The following RUFY1 variants were observed in gnomAD, a reference collection of about 807,000 sequenced individuals.
RUFY1 encodes RUN and FYVE domain-containing protein 1.
Under a neutral mutation model 94.6 loss-of-function variants are expected in RUFY1, and 54 were observed. That is an observed-to-expected ratio of 0.57 (90% CI 0.46 to 0.72). RUFY1 has a LOEUF of 0.72. Among genes scored for constraint, RUFY1 ranks in the 30% least tolerant of loss-of-function variants. The pLI, the probability that RUFY1 is intolerant of heterozygous loss-of-function variation, is 0.00. For missense variants in RUFY1, 883 were observed against 883.9 expected (o/e 1.00, Z 0.01); for synonymous variants, 396 against 347.3 (o/e 1.14, Z -1.56).
At chr5:179,557,004 C>G (rs573374788) in intron 1 of RUFY1, among the ~76,000 whole-genome samples, 2 of 152,222 alleles carry the variant, frequency 1.3e-5, no homozygotes, top group East Asian at 3.9e-4. Flanking sequence ...TGATCTAAAG[C>G]CAAAAATTAT....
intron 1 of RUFY1, among the ~76,000 whole-genome samples, chr5:179,551,314 G>T (rs1761836790): frequency 6.6e-6 from 1 of 152,236 alleles, no homozygotes; most frequent in South Asian, 2.1e-4. Context: ...GTGAGATGGG[G>T]ATTTTAAAGT....
At chr5:179,587,228 ACTCT>A (rs766384052) in intron 8 of RUFY1, among the ~76,000 whole-genome samples, 1 of 150,000 alleles carries the variant, frequency 6.7e-6, no homozygotes, top group Non-Finnish European at 1.5e-5. Flanking sequence ...TAATTTTTTA[ACTCT>A]TTGTAGAGAC....
At chr5:179,577,730 GGT>G (rs1206281709) in intron 6 of RUFY1, among the ~76,000 whole-genome samples, 5 of 151,944 alleles carry the variant, frequency 3.3e-5, no homozygotes, top group African/African-American at 9.7e-5. Context: ...GGGCAGGTTA[GGT>G]GTGTCCGCTC....
chr5:179,603,598 A>C (rs1452270130), intron 15 of RUFY1: 1 of 152,280 alleles, frequency 6.6e-6, no homozygotes, highest in East Asian at 1.9e-4. Context: ...GCATCCCGAG[A>C]GCACTCACCA....
At position 179,589,655 on chromosome 5, in the gene RUFY1, A is replaced by T. The variant is rs998263275; in HGVS notation, c.1128+8A>T. ...AGTGAAAAGAGTGTAGAGGTGAGAA[A>T]TTGACCTACATTTGGGCAGCATGTT... On this transcript the variant is annotated splice_region_variant and intron_variant, in intron 9 of 17. Transcript: ENST00000319449. 9 of 1,579,236 alleles carry T rather than the reference A, an allele frequency of 5.7e-6. No homozygotes were observed. The highest frequency in any genetic ancestry group is 7.0e-6 in the Non-Finnish European group (8 of 1,148,398).
Position 179,550,860 on chromosome 5 carries a change from G to C in RUFY1, c.291G>C (p.Gly97=), listed in dbSNP as rs1372059306. The C allele has an allele frequency of 8.4e-7, 1 of 1,186,018 alleles. No homozygotes were observed. Among genetic ancestry groups the C allele is most frequent in the African/African-American group, 1.6e-5 (1 of 61,886 alleles). The allele number at this position is 1,186,018 out of a possible 1,614,324, so 73.5% of individuals were successfully genotyped here. A position where few individuals can be genotyped will look rare whatever the true frequency, so the allele number is the denominator to read the frequency against. ...CGGGGCTGGGCGGCGGGGACAGCGG[G>C]GACGGCACGGCGCGCGCAGGTAGGC... is the stretch of plus-strand genomic sequence containing the variant. ...AAAGLGGGDS[G]DGTARAASKC... Residue 97 remains glycine (G), a synonymous_variant, in exon 1 of 18, where the codon GGG becomes GGC. Transcript: ENST00000319449.
At chr5:179,596,128 G>A (rs942234825) in intron 12 of RUFY1, 6 of 244,882 alleles carry the variant, frequency 2.5e-5, no homozygotes, top group South Asian at 4.3e-5. Context: ...AAAGTGGTAC[G>A]TCTGTGCGGT....
At chr5:179,598,271 G>A (rs895685076) in intron 13 of RUFY1, 12 of 168,932 alleles carry the variant, frequency 7.1e-5, no homozygotes, top group African/African-American at 2.9e-4. Context: ...GCTGTGGCGG[G>A]AGGATCACTT....
At chr5:179,583,837 C>T (rs1440824724) in intron 7 of RUFY1, among the ~76,000 whole-genome samples, 1 of 151,986 alleles carries the variant, frequency 6.6e-6, no homozygotes, top group Non-Finnish European at 1.5e-5. Context: ...GCAAGCTTCG[C>T]CTCCCAGGTT....
intron 5 of RUFY1, chr5:179,572,121 A>G: frequency 5.0e-6 from 1 of 199,074 alleles, no homozygotes; most frequent in Non-Finnish European, 1.1e-5. Flanking sequence ...TCTGGTTGTC[A>G]GTCTGTCCAG....
chr5:179,578,252 C>T (rs1167744152), intron 6 of RUFY1, among the ~76,000 whole-genome samples: 1 of 152,128 alleles, frequency 6.6e-6, no homozygotes, highest in African/African-American at 2.4e-5. Flanking sequence ...CTCGCTCTGT[C>T]GCCCAGGCTG....
rs1764112762 is a variant in RUFY1 at position 179,581,022 on chromosome 5, C to T, written c.956+10C>T. On this transcript the variant is annotated intron_variant, in intron 7 of 17. Transcript: ENST00000319449. ...TTAACCGGCACTTGAGGTAAGACTC[C>T]TTTTTTTTTCAATGTGACAGTTACA... 1.9e-6 allele frequency: 3 copies of T among 1,539,540 alleles called. No homozygotes were observed. Among genetic ancestry groups the T allele is most frequent in the African/African-American group, 2.8e-5 (2 of 72,412 alleles).
At chr5:179,586,313 T>C (rs1351015856) in intron 8 of RUFY1, 1 of 457,994 alleles carries the variant, frequency 2.2e-6, no homozygotes, top group Non-Finnish European at 4.4e-6. Context: ...GTGCGGTCTT[T>C]CTCTGCTTTC....
At chr5:179,553,550 G>A (rs1296914944) in intron 1 of RUFY1, among the ~76,000 whole-genome samples, 2 of 152,052 alleles carry the variant, frequency 1.3e-5, no homozygotes, top group East Asian at 1.9e-4. Flanking sequence ...TTGGGAGGCC[G>A]AGGCAGGCAG....
intron 1 of RUFY1, chr5:179,559,784 C>T (rs1762295683): frequency 7.9e-7 from 1 of 1,268,486 alleles, no homozygotes; most frequent in Non-Finnish European, 1.0e-6. Flanking sequence ...TGGGAGAGGC[C>T]TCTGGAGCAG....
intron 1 of RUFY1, among the ~76,000 whole-genome samples, chr5:179,553,893 G>C (rs566557147): frequency 6.6e-6 from 1 of 152,342 alleles, no homozygotes; most frequent in South Asian, 2.1e-4. Context: ...GGGAACTGCT[G>C]GGTAGAGCCA....
At chr5:179,589,328 A>G (rs1764852881) in intron 8 of RUFY1, 1 of 497,626 alleles carries the variant, frequency 2.0e-6, no homozygotes, top group African/African-American at 1.9e-5. Context: ...GAGAGGGCAG[A>G]GATGGCTAGG....
intron 5 of RUFY1, among the ~76,000 whole-genome samples, chr5:179,571,078 A>C (rs1024956344): frequency 6.6e-6 from 1 of 152,230 alleles, no homozygotes; most frequent in African/African-American, 2.4e-5. Context: ...AAAATTTAAC[A>C]ATATGTTCCA....
intron 5 of RUFY1, among the ~76,000 whole-genome samples, chr5:179,575,721 G>A (rs6422330): frequency 1 from 151,897 of 152,318 alleles, 75,741 homozygotes; most frequent in Middle Eastern, 1. Context: ...CATAAGTAGG[G>A]TTACTATAAT....
Sources: gnomAD v4.1 joint callset for allele counts (sites outside exome capture counted in the v4.1 genomes callset) on GRCh38, gnomAD v4.1.1 for gene constraint, MANE v1.5 for transcripts, NCBI Gene and HGNC (gene_info 2026-07-23, HGNC 2026-07-21) for gene names.